EPHA5: variants seen among roughly 807,000 people sequenced by gnomAD.
EPHA5 encodes the protein ephrin type-A receptor 5.
In EPHA5, 60 loss-of-function variants were observed where a neutral mutation model predicts 105.0. That is an observed-to-expected ratio of 0.57 (90% CI 0.46 to 0.71). The LOEUF is 0.71. Ranked by LOEUF, EPHA5 falls within the 30% of genes least tolerant of loss-of-function variation. The pLI, the probability that EPHA5 is intolerant of heterozygous loss-of-function variation, is 0.00. For synonymous variants in EPHA5, 513 were observed against 449.1 expected (o/e 1.14, Z -1.80); for missense variants, 1,218 against 1,274.7 (o/e 0.96, Z 0.68).
At chr4:65,663,358 T>G (rs1440821293) in intron 1 of EPHA5, among the ~76,000 whole-genome samples, 1 of 152,146 alleles carries the variant, frequency 6.6e-6, no homozygotes, top group African/African-American at 2.4e-5. Flanking sequence ...ACAGAGTTTT[T>G]AAGAACTCCA....
At chr4:65,426,230 G>A (rs1724428948) in intron 5 of EPHA5, among the ~76,000 whole-genome samples, 1 of 151,962 alleles carries the variant, frequency 6.6e-6, no homozygotes. Flanking sequence ...ATCTTTCCTT[G>A]ATTTTCCCTT....
At chr4:65,511,122 C>A (rs1337922381) in intron 3 of EPHA5, among the ~76,000 whole-genome samples, 1 of 152,122 alleles carries the variant, frequency 6.6e-6, no homozygotes, top group Admixed American at 6.6e-5. Flanking sequence ...CTTGGACTTT[C>A]TAGACTCAGA....
In EPHA5 at chr4:65,663,050, C is replaced by T. The variant is rs188704648; in HGVS notation, c.181+6512G>A. Among the ~76,000 whole-genome samples, 159 of 152,174 alleles carry T rather than the reference C, an allele frequency of 1.0e-3. 1 individual carries two copies. Among genetic ancestry groups the T allele is most frequent in the African/African-American group, 3.5e-3 (145 of 41,496 alleles). The stretch of plus-strand genomic sequence containing the variant: ...CCTATAGTATAACTAATAATTTAAG[C>T]ATTATTAATAAAGTAACACATAAGC... On this transcript the variant is annotated intron_variant, in intron 1 of 16. Coordinates refer to ENST00000613740, the MANE Select transcript of EPHA5 (RefSeq NM_001281766.3).
chr4:65,456,727 C>CACACACAT (rs1308736156), intron 5 of EPHA5, among the ~76,000 whole-genome samples: 1 of 151,050 alleles, frequency 6.6e-6, no homozygotes, highest in Non-Finnish European at 1.5e-5. Context: ...AACATATACA[C>CACACACAT]ACACACACAC....
At chr4:65,587,707 A>G (rs1411420909) in intron 3 of EPHA5, among the ~76,000 whole-genome samples, 1 of 152,146 alleles carries the variant, frequency 6.6e-6, no homozygotes, top group African/African-American at 2.4e-5. Flanking sequence ...AATCCCAGAC[A>G]TTCTTACGCA....
intron 2 of EPHA5, among the ~76,000 whole-genome samples, chr4:65,618,208 G>C (rs1400108774): frequency 1.3e-5 from 2 of 151,958 alleles, no homozygotes; most frequent in Non-Finnish European, 2.9e-5. Context: ...CAATTCACTT[G>C]GTCCAAATGA....
rs2149514817 is a variant in EPHA5 at position 65,643,396 on chromosome 4, C to T, written c.213G>A (p.Gly71=). Residue 71 remains glycine, a synonymous_variant, in exon 2 of 17, where the codon GGG becomes GGA. Coordinates refer to ENST00000613740, the MANE Select transcript of EPHA5 (RefSeq NM_001281766.3). ...VNLLDSRTVM[G]DLGWIAFPKN... is the part of the protein sequence containing the mutation. ...TTGGAAAAGCAATCCATCCCAGGTCCCCCATGACAGTGCGTGAATCCAATA... is the reference window on the plus strand; with the variant it reads ...TTGGAAAAGCAATCCATCCCAGGTCTCCCATGACAGTGCGTGAATCCAATA... The T allele has an allele frequency of 6.2e-7, 1 of 1,613,008 alleles. No individual in the cohort carries two copies. The highest frequency in any genetic ancestry group is 1.1e-5 in the South Asian group (1 of 91,018).
chr4:65,596,966 G>T (rs1039798901), intron 3 of EPHA5, among the ~76,000 whole-genome samples: 2 of 152,050 alleles, frequency 1.3e-5, no homozygotes, highest in African/African-American at 2.4e-5. Context: ...ATATGCACCA[G>T]AAGTACGAAT....
At chr4:65,589,184 T>C (rs1002287205) in intron 3 of EPHA5, among the ~76,000 whole-genome samples, 1 of 152,156 alleles carries the variant, frequency 6.6e-6, no homozygotes, top group Admixed American at 6.6e-5. Context: ...TAATAAAGTA[T>C]GAAGGAAATC....
At chr4:65,448,909 G>A (rs994363419) in intron 5 of EPHA5, among the ~76,000 whole-genome samples, 1 of 152,066 alleles carries the variant, frequency 6.6e-6, no homozygotes, top group African/African-American at 2.4e-5. Context: ...AGATCTCTAT[G>A]TGAAAATCCA....
chr4:65,341,096 A>G (rs1190137977), intron 14 of EPHA5, among the ~76,000 whole-genome samples: 2 of 151,908 alleles, frequency 1.3e-5, no homozygotes. Context: ...TTTCCTCAAT[A>G]TCTAATTATT....
In EPHA5 at chr4:65,608,061, G is replaced by T. The variant is rs539315814; in HGVS notation, c.247-5757C>A. Reference sequence around the variant, plus strand: ...CGTGGATGAAGCCAGGGAGTGGGCGGCTAGGGGAGGGATAGCATTAGGAAA... The same window carrying T: ...CGTGGATGAAGCCAGGGAGTGGGCGTCTAGGGGAGGGATAGCATTAGGAAA... On this transcript the variant is annotated intron_variant, in intron 2 of 16. Transcript: ENST00000613740. 2.6e-5 allele frequency among the ~76,000 whole-genome samples: 4 copies of T among 152,212 alleles called. No individual in the cohort carries two copies. The South Asian group carries it at 8.3e-4, about 32-fold the overall frequency.
intron 10 of EPHA5, 82 bp downstream of exon 10, chr4:65,365,850 C>T (rs1181143876): frequency 2.2e-6 from 3 of 1,365,950 alleles, no homozygotes; most frequent in Non-Finnish European, 2.0e-6. Flanking sequence ...TAAAAACATT[C>T]TCTGTTACAT....
In EPHA5 at chr4:65,602,282, T is replaced by C; in HGVS notation, c.269A>G (p.Asp90Gly). The C allele has an allele frequency of 6.2e-7, 1 of 1,601,184 alleles. No homozygotes were observed. The highest frequency in any genetic ancestry group is 8.5e-7 in the Non-Finnish European group (1 of 1,175,608). The change falls in exon 3 of 17, where the codon GAT becomes GGT. Residue 90 changes from aspartate (D) to glycine (G), a missense_variant. This residue lies in a region of EPHA5 where 233 missense variants were observed against 227.5 expected (regional missense o/e 1.02). Transcript: ENST00000613740. Reference sequence around the variant, plus strand: ...TGTGTGGATAGGGGCATAATTTTCATCCACTTCACCAATCTCTTCCCACTG... The same window carrying C: ...TGTGTGGATAGGGGCATAATTTTCACCCACTTCACCAATCTCTTCCCACTG... ...KNGWEEIGEVDENYAPIHTYQ... is the reference protein window; with the variant it reads ...KNGWEEIGEVGENYAPIHTYQ...
intron 5 of EPHA5, among the ~76,000 whole-genome samples, chr4:65,454,997 G>A (rs1252465058): frequency 2.6e-5 from 4 of 152,076 alleles, no homozygotes; most frequent in African/African-American, 4.8e-5. Flanking sequence ...TGTAATCCCA[G>A]CACTTTGGGA....
At chr4:65,353,882 A>C (rs1723061963) in intron 11 of EPHA5, among the ~76,000 whole-genome samples, 1 of 151,722 alleles carries the variant, frequency 6.6e-6, no homozygotes. Context: ...GCTCTGTTCT[A>C]ATTGTTATGT....
At chr4:65,356,953 T>A (rs1262177845) in intron 11 of EPHA5, among the ~76,000 whole-genome samples, 4 of 151,432 alleles carry the variant, frequency 2.6e-5, no homozygotes, top group Non-Finnish European at 4.4e-5. Context: ...GATCTGCCAA[T>A]AATTTTGAAA....
chr4:65,524,674 A>G (rs1462700496), intron 3 of EPHA5, among the ~76,000 whole-genome samples: 2 of 151,882 alleles, frequency 1.3e-5, no homozygotes, highest in African/African-American at 4.8e-5. Context: ...AAGTGCATAC[A>G]TAGCACACTT....
intron 8 of EPHA5, among the ~76,000 whole-genome samples, chr4:65,392,180 T>C (rs1256163801): frequency 2.0e-5 from 3 of 152,136 alleles, no homozygotes; most frequent in African/African-American, 7.2e-5. Context: ...TGATGTGCTC[T>C]CTAATTATTT....
Sources: allele counts gnomAD v4.1 joint callset (sites outside exome capture counted in the v4.1 genomes callset), GRCh38; gene constraint gnomAD v4.1.1; regional missense constraint gnomAD v4.1.1; transcripts MANE v1.5; gene names NCBI Gene and HGNC (gene_info 2026-07-23, HGNC 2026-07-21).